NFAM1: variants seen among roughly 807,000 people sequenced by gnomAD.
NFAM1 encodes NFAT activation molecule 1.
A neutral mutation model predicts 29.0 loss-of-function variants in NFAM1; 17 were observed. The ratio of observed to expected loss-of-function variants is 0.59; its 90% CI spans 0.40 to 0.88. The LOEUF (loss-of-function observed/expected upper bound fraction) is 0.88, where lower values mean the gene tolerates loss of function less well. Among genes scored for constraint, NFAM1 ranks in the 40% least tolerant of loss-of-function variants. The pLI is 0.00. For synonymous variants in NFAM1, 175 were observed against 147.2 expected (o/e 1.19, Z -1.36); for missense variants, 324 against 344.6 (o/e 0.94, Z 0.47).
intron 4 of NFAM1, among the ~76,000 whole-genome samples, chr22:42,389,888 C>G (rs900998779): frequency 6.6e-6 from 1 of 152,190 alleles, no homozygotes; most frequent in African/African-American, 2.4e-5. Flanking sequence ...TGGACCTAGT[C>G]TGAGAGTCCT....
At chr22:42,399,218 G>A (rs1601741975) in intron 3 of NFAM1, among the ~76,000 whole-genome samples, 2 of 151,794 alleles carry the variant, frequency 1.3e-5, no homozygotes, top group Non-Finnish European at 1.5e-5. Flanking sequence ...AGGCCGAGTC[G>A]GGTGGATCAC....
intron 1 of NFAM1, among the ~76,000 whole-genome samples, chr22:42,426,980 CG>C (rs1164386959): frequency 6.6e-6 from 1 of 151,988 alleles, no homozygotes; most frequent in East Asian, 1.9e-4. Flanking sequence ...AGCACCCAGG[CG>C]GGGGGGCTCG....
At chr22:42,391,796 C>T (rs552340626) in intron 4 of NFAM1, among the ~76,000 whole-genome samples, 113 of 151,756 alleles carry the variant, frequency 7.4e-4, no homozygotes, top group Admixed American at 1.1e-3. Flanking sequence ...AATACAAAAA[C>T]TAGCCGGGTG....
At chr22:42,426,108 G>A (rs1462781632) in intron 1 of NFAM1, among the ~76,000 whole-genome samples, 2 of 152,214 alleles carry the variant, frequency 1.3e-5, no homozygotes, top group African/African-American at 2.4e-5. Context: ...CTTCTTCAGG[G>A]GATGGGAGTC....
chr22:42,437,724 A>G, the NFAM1 span, among the ~76,000 whole-genome samples: 2 of 152,056 alleles, frequency 1.3e-5, no homozygotes, highest in South Asian at 2.1e-4. Context: ...TTCCCCCTCT[A>G]GGGGTCCTGG....
rs1928952454 is a variant in NFAM1 at position 42,381,572 on chromosome 22, A to C, written c.*3589T>G. ...GGGCTGCCCTGCTGCGGTAGGGCCC[A>C]GGGGCAGGGGCCTGCAGGGGCTGCC... On this transcript the variant is annotated 3_prime_UTR_variant, in exon 6 of 6. Coordinates refer to ENST00000329021, the MANE Select transcript of NFAM1 (RefSeq NM_145912.8). The C allele has an allele frequency of 6.5e-6, 1 of 152,874 alleles. No individual in the cohort carries two copies. Among genetic ancestry groups the C allele is most frequent in the Admixed American group, 6.5e-5 (1 of 15,294 alleles). 9.5% of individuals were successfully genotyped at this position (152,874 alleles called of 1,614,324 possible).
rs148663079 is a variant in NFAM1, at chr22:42,427,138, C to T, written c.121+5099G>A. 2.4e-3 allele frequency among the ~76,000 whole-genome samples: 372 copies of T among 152,232 alleles called. 1 individual carries two copies. Among genetic ancestry groups the T allele is most frequent in the Non-Finnish European group, 3.9e-3 (263 of 68,006 alleles). On this transcript the variant is annotated intron_variant, in intron 1 of 5. Transcript: ENST00000329021. ...TCCCTCTCACCAGGCTCACCCCGTC[C>T]CTTTCTCTGGTTTCAGCCCCATCTG...
At chr22:42,395,262 T>G (rs1929481475) in intron 4 of NFAM1, among the ~76,000 whole-genome samples, 1 of 150,250 alleles carries the variant, frequency 6.7e-6, no homozygotes, top group Admixed American at 6.6e-5. Context: ...TCACCTGAAG[T>G]CAGGAGTTCG....
intron 3 of NFAM1, among the ~76,000 whole-genome samples, chr22:42,406,915 C>T (rs1929917157): frequency 6.6e-6 from 1 of 151,936 alleles, no homozygotes; most frequent in African/African-American, 2.4e-5. Context: ...ACTGGGACTA[C>T]AGGCGTGTGA....
upstream of NFAM1, among the ~76,000 whole-genome samples, chr22:42,432,883 TAG>T (rs1930854746): frequency 6.6e-6 from 1 of 151,986 alleles, no homozygotes; most frequent in South Asian, 2.1e-4. Context: ...TTCCCAGCCC[TAG>T]AGAGGGCCAA....
Position 42,387,065 on chromosome 22 carries a change from C to T in NFAM1, c.677G>A (p.Arg226His), listed in dbSNP as rs767256709. ...GATGCAGGCATAGACCTCGGTCTCG[C>T]GGCGCTGCAGAGCCTACAGGAAACG... ...SESVYTALQRRETEVYACIEN... is the reference protein window; with the variant it reads ...SESVYTALQRHETEVYACIEN... The change falls in exon 5 of 6, where the codon CGC becomes CAC. Residue 226 changes from arginine (R) to histidine (H), a missense_variant. Coordinates refer to ENST00000329021, the MANE Select transcript of NFAM1 (RefSeq NM_145912.8). 38 of 1,582,784 alleles carry T rather than the reference C, an allele frequency of 2.4e-5. No individual in the cohort carries two copies. Among genetic ancestry groups the T allele is most frequent in the Admixed American group, 1.1e-4 (6 of 55,944 alleles).
At chr22:42,425,798 G>A (rs891138974) in intron 1 of NFAM1, among the ~76,000 whole-genome samples, 2 of 152,186 alleles carry the variant, frequency 1.3e-5, no homozygotes, top group Non-Finnish European at 2.9e-5. Flanking sequence ...TCTTAAAGTT[G>A]GATGCTTGTT....
At position 42,383,475 on chromosome 22, in the gene NFAM1, T is replaced by G. The variant is rs945576482; in HGVS notation, c.*1686A>C. 1.3e-5 allele frequency: 2 copies of G among 152,748 alleles called. No homozygotes were observed. The highest frequency in any genetic ancestry group is 4.8e-5 in the African/African-American group (2 of 41,448). 9.5% of individuals were successfully genotyped at this position (152,748 alleles called of 1,614,324 possible). ...GCAGGGGCCTTGCCACTCGGTTATG[T>G]GAGCCTGCTAAAGCCCTCCTTGCCA... On this transcript the variant is annotated 3_prime_UTR_variant, in exon 6 of 6. Coordinates refer to ENST00000329021, the MANE Select transcript of NFAM1 (RefSeq NM_145912.8).
intron 3 of NFAM1, among the ~76,000 whole-genome samples, chr22:42,406,210 C>T (rs1338639909): frequency 6.6e-6 from 1 of 152,214 alleles, no homozygotes; most frequent in Non-Finnish European, 1.5e-5. Context: ...GAGCAAACCA[C>T]TTGCGCGAGT....
At position 42,411,680 on chromosome 22, in the gene NFAM1, C is replaced by T; in HGVS notation, c.178G>A (p.Ala60Thr). Residue 60 changes from alanine (A) to threonine (T), a missense_variant, in exon 2 of 6, where the codon GCT becomes ACT. Ala to Thr is a moderately conservative substitution (Grantham distance 58). Transcript: ENST00000329021. ...GTGATCCTGCAGCTGAAGGAGATAG[C>T]TGTGTTGGCCAGGGAGGCCATGATG... Reference protein sequence around the residue: ...LPIMASLANTAISFSCRITYP... With the variant: ...LPIMASLANTTISFSCRITYP... 1 of 1,614,138 alleles carries T rather than the reference C, an allele frequency of 6.2e-7. No homozygotes were observed. The highest frequency in any genetic ancestry group is 2.2e-5 in the East Asian group (1 of 44,888).
chr22:42,397,767 G>A, intron 4 of NFAM1, 91 bp downstream of exon 4: 1 of 785,670 alleles, frequency 1.3e-6, no homozygotes, highest in African/African-American at 1.7e-5. Context: ...CACACAGCTG[G>A]TACAAGACTG....
At chr22:42,437,065 A>T, upstream of NFAM1, 2 of 722,532 alleles carry the variant, frequency 2.8e-6, no homozygotes, top group Non-Finnish European at 1.7e-6. Context: ...CAACTCCCCA[A>T]CCCCGCCACA....
chr22:42,415,210 T>A (rs1303524568), intron 1 of NFAM1, among the ~76,000 whole-genome samples: 6 of 151,860 alleles, frequency 4.0e-5, no homozygotes, highest in Admixed American at 3.9e-4. Context: ...AGGTCCGCAG[T>A]TACAGCCAAG....
intron 3 of NFAM1, among the ~76,000 whole-genome samples, chr22:42,402,349 C>A (rs1255842303): frequency 6.6e-6 from 1 of 152,186 alleles, no homozygotes; most frequent in South Asian, 2.1e-4. Context: ...CAGGCCCCCA[C>A]GTGGGGCTGT....
Sources: allele counts gnomAD v4.1 joint callset (sites outside exome capture counted in the v4.1 genomes callset), GRCh38; gene constraint gnomAD v4.1.1; transcripts MANE v1.5; gene names NCBI Gene and HGNC (gene_info 2026-07-23, HGNC 2026-07-21).